The following PLXDC2 variants were observed in gnomAD, a reference collection of about 807,000 sequenced individuals.
PLXDC2 encodes the protein plexin domain-containing protein 2.
A neutral mutation model predicts 68.9 loss-of-function variants in PLXDC2; 40 were observed. The observed-to-expected ratio is 0.58, with a 90% CI of 0.45 to 0.76. PLXDC2 has a LOEUF of 0.76. PLXDC2 is among the 30% of genes least tolerant of loss of function. PLXDC2 has a pLI of 0.00. For synonymous variants in PLXDC2, 243 were observed against 234.2 expected (o/e 1.04, Z -0.34); for missense variants, 644 against 661.9 (o/e 0.97, Z 0.30).
intron 6 of PLXDC2, 32 bp downstream of exon 6, chr10:20,147,934 C>T (rs1477257150): frequency 1.4e-6 from 2 of 1,462,996 alleles, no homozygotes; most frequent in South Asian, 1.1e-5. Context: ...TCTTTCCCTT[C>T]CCCTTGTTCT....
chr10:19,987,227 C>G (rs767865134), intron 1 of PLXDC2, among the ~76,000 whole-genome samples: 1 of 152,110 alleles, frequency 6.6e-6, no homozygotes, highest in South Asian at 2.1e-4. Context: ...ACCACATGTT[C>G]GATCAGCCTT....
At chr10:20,130,463 T>C (rs1241305534) in intron 4 of PLXDC2, among the ~76,000 whole-genome samples, 2 of 152,126 alleles carry the variant, frequency 1.3e-5, no homozygotes, top group Admixed American at 6.6e-5. Context: ...ATTTTATTTC[T>C]TCCTTTCTGG....
At chr10:19,929,998 A>T (rs1041000218) in intron 1 of PLXDC2, among the ~76,000 whole-genome samples, 2 of 152,102 alleles carry the variant, frequency 1.3e-5, no homozygotes, top group African/African-American at 4.8e-5. Flanking sequence ...TCATTTGAAC[A>T]TCTTTTAGTG....
At chr10:20,198,841 T>G (rs2131845927) in intron 9 of PLXDC2, among the ~76,000 whole-genome samples, 1 of 152,246 alleles carries the variant, frequency 6.6e-6, no homozygotes, top group Admixed American at 6.5e-5. Context: ...TAATGATTTA[T>G]TCTCCCAAAG....
intron 1 of PLXDC2, among the ~76,000 whole-genome samples, chr10:19,997,782 C>CA (rs1834865958): frequency 6.6e-6 from 1 of 152,112 alleles, no homozygotes; most frequent in Non-Finnish European, 1.5e-5. Context: ...GTTCTACTCT[C>CA]AGATTAACTG....
chr10:20,012,909 C>T lies in PLXDC2; in HGVS notation c.324+10923C>T, dbSNP rs12248904. Among the ~76,000 whole-genome samples, 1,051 of 152,196 alleles carry T rather than the reference C, an allele frequency of 6.9e-3. 7 individuals carry two copies. The highest frequency in any genetic ancestry group is 0.017 in the African/African-American group (702 of 41,500). ...TACTGAACTTGGCAGCCCTTGGGAA[C>T]GGTTGTTTTGAGTTATTTTCTATAT... On this transcript the variant is annotated intron_variant, in intron 2 of 13. Transcript: ENST00000377252.
intron 1 of PLXDC2, among the ~76,000 whole-genome samples, chr10:19,887,893 C>A (rs1375960235): frequency 6.6e-6 from 1 of 152,160 alleles, no homozygotes; most frequent in Non-Finnish European, 1.5e-5. Context: ...ATGTAAGTCA[C>A]TTACAAATGA....
At chr10:20,078,302 G>C (rs941912720) in intron 4 of PLXDC2, among the ~76,000 whole-genome samples, 8 of 152,182 alleles carry the variant, frequency 5.3e-5, no homozygotes, top group African/African-American at 1.9e-4. Flanking sequence ...AGGATGGCTT[G>C]AGGCCAGATG....
At chr10:19,920,090 C>A (rs1476297157) in intron 1 of PLXDC2, among the ~76,000 whole-genome samples, 1 of 152,242 alleles carries the variant, frequency 6.6e-6, no homozygotes, top group East Asian at 1.9e-4. Flanking sequence ...TTAGATGGGG[C>A]AATATATCTT....
intron 6 of PLXDC2, among the ~76,000 whole-genome samples, chr10:20,153,828 C>G (rs1834181070): frequency 6.6e-6 from 1 of 152,082 alleles, no homozygotes; most frequent in Admixed American, 6.5e-5. Flanking sequence ...AGCTACTGTA[C>G]CAGAATGCCC....
At chr10:20,206,513 C>G (rs7923604) in intron 9 of PLXDC2, among the ~76,000 whole-genome samples, 70,442 of 151,758 alleles carry the variant, frequency 0.46, 16,529 homozygotes, top group Middle Eastern at 0.55. Context: ...CATGAAAGAG[C>G]ACAGCACCTT....
At chr10:19,916,136 G>T (rs11011672) in intron 1 of PLXDC2, among the ~76,000 whole-genome samples, 77,313 of 121,648 alleles carry the variant, frequency 0.64, 22,208 homozygotes, top group Middle Eastern at 0.71. Flanking sequence ...GTTTTGTTTT[G>T]TTTTTTTTTT....
At chr10:20,251,580 T>C (rs986460689) in intron 13 of PLXDC2, among the ~76,000 whole-genome samples, 46 of 152,162 alleles carry the variant, frequency 3.0e-4, no homozygotes, top group Non-Finnish European at 6.3e-4. Flanking sequence ...GTTTACACTC[T>C]TGAGTGGTAT....
intron 1 of PLXDC2, among the ~76,000 whole-genome samples, chr10:19,899,411 T>G (rs1838121392): frequency 6.6e-6 from 1 of 152,228 alleles, no homozygotes; most frequent in South Asian, 2.1e-4. Context: ...GGTGATGTTC[T>G]GATAATTAAA....
At chr10:19,918,012 C>T (rs1314857966) in intron 1 of PLXDC2, among the ~76,000 whole-genome samples, 2 of 152,170 alleles carry the variant, frequency 1.3e-5, no homozygotes, top group Non-Finnish European at 2.9e-5. Flanking sequence ...ATATTTTTAC[C>T]CTTTCTATGC....
At chr10:20,060,843 G>T (rs1247287699) in intron 3 of PLXDC2, among the ~76,000 whole-genome samples, 1 of 152,094 alleles carries the variant, frequency 6.6e-6, no homozygotes, top group Non-Finnish European at 1.5e-5. Flanking sequence ...GCTTATAACA[G>T]GTAGGAAATG....
chr10:19,911,706 C>T (rs994426039), intron 1 of PLXDC2, among the ~76,000 whole-genome samples: 2 of 152,082 alleles, frequency 1.3e-5, no homozygotes, highest in Non-Finnish European at 2.9e-5. Context: ...CAGGTAGAAC[C>T]CAGTACTCTT....
intron 1 of PLXDC2, among the ~76,000 whole-genome samples, chr10:19,924,299 G>C (rs765331790): frequency 7.9e-5 from 12 of 152,086 alleles, no homozygotes; most frequent in Non-Finnish European, 1.5e-4. Flanking sequence ...CCAGGCTCTA[G>C]GCTTCTTGGC....
At chr10:20,256,716 C>T (rs1835747048) in intron 13 of PLXDC2, among the ~76,000 whole-genome samples, 1 of 151,072 alleles carries the variant, frequency 6.6e-6, no homozygotes. Context: ...AAATATCTCA[C>T]TGTGATCCAG....
Sources: gnomAD v4.1 joint callset for allele counts (sites outside exome capture counted in the v4.1 genomes callset) on GRCh38, gnomAD v4.1.1 for gene constraint, MANE v1.5 for transcripts, NCBI Gene and HGNC (gene_info 2026-07-23, HGNC 2026-07-21) for gene names.